Variants in MYO1H observed in about 807,000 individuals in gnomAD.
The protein encoded by MYO1H is myosin IH, also known as unconventional myosin-Ih.
MYO1H carries 118 observed loss-of-function variants against 149.3 expected under a neutral mutation model. The ratio of observed to expected loss-of-function variants is 0.79; its 90% confidence interval spans 0.68 to 0.92. The LOEUF is 0.92. Among genes scored for constraint, MYO1H ranks in the 40% least tolerant of loss-of-function variants. MYO1H has a pLI of 0.00. For missense variants in MYO1H, 1,212 were observed against 1,280.7 expected (o/e 0.95, Z 0.82); for synonymous variants, 447 against 465.2 (o/e 0.96, Z 0.50).
chr12:109,396,828 T>G (rs866597322), intron 4 of MYO1H, among the ~76,000 whole-genome samples: 3,456 of 110,670 alleles, frequency 0.031, 161 homozygotes, highest in African/African-American at 0.099. Context: ...TTTTTTTTTT[T>G]TTTTTTTTTT....
At chr12:109,396,813 CG>C (rs1869929755) in intron 4 of MYO1H, among the ~76,000 whole-genome samples, 3 of 54,500 alleles carry the variant, frequency 5.5e-5, no homozygotes, top group Admixed American at 2.2e-4. Flanking sequence ...GTTTTGGTTT[CG>C]TTTTTTTTTT....
At chr12:109,435,334 G>A (rs368307120) in intron 21 of MYO1H, among the ~76,000 whole-genome samples, 6 of 115,066 alleles carry the variant, frequency 5.2e-5, no homozygotes, top group South Asian at 5.1e-4. Context: ...ACATTGTTCC[G>A]CCGTTTCAGT....
At chr12:109,415,087 G>T (rs530414796) in intron 14 of MYO1H, among the ~76,000 whole-genome samples, 77 of 152,306 alleles carry the variant, frequency 5.1e-4, no homozygotes, top group African/African-American at 1.8e-3. Flanking sequence ...GCCTCCCTGT[G>T]TGGTGGCTTT....
At chr12:109,437,760 GA>G (rs150396080) in intron 22 of MYO1H, among the ~76,000 whole-genome samples, 15,415 of 152,072 alleles carry the variant, frequency 0.1, 1,035 homozygotes, top group African/African-American at 0.18. Context: ...AGGATTCGAA[GA>G]AAAGCGTTTA....
intron 2 of MYO1H, among the ~76,000 whole-genome samples, chr12:109,392,515 G>A (rs139964839): frequency 0.04 from 6,076 of 152,214 alleles, 141 homozygotes; most frequent in Middle Eastern, 0.054. Flanking sequence ...CTGAGGTCAG[G>A]AGTTCAAGAC....
the MYO1H span, among the ~76,000 whole-genome samples, chr12:109,314,255 T>C: frequency 6.6e-6 from 1 of 151,104 alleles, no homozygotes; most frequent in African/African-American, 2.4e-5. Flanking sequence ...AAATCTGGGC[T>C]GTCTCTTGGC....
chr12:109,340,417 C>A, the MYO1H span, among the ~76,000 whole-genome samples: 5 of 152,194 alleles, frequency 3.3e-5, no homozygotes, highest in African/African-American at 1.2e-4. Context: ...GATCCACCTG[C>A]CTTGGCCTCC....
intron 1 of MYO1H, among the ~76,000 whole-genome samples, chr12:109,362,885 C>T (rs1868784787): frequency 6.6e-6 from 1 of 152,206 alleles, no homozygotes; most frequent in Non-Finnish European, 1.5e-5. Context: ...CCATCAGTTT[C>T]ATTGGTTGCA....
At chr12:109,419,105 T>TG (rs1313112605) in intron 15 of MYO1H, among the ~76,000 whole-genome samples, 1 of 152,170 alleles carries the variant, frequency 6.6e-6, no homozygotes, top group African/African-American at 2.4e-5. Context: ...GTGTCTCCTT[T>TG]GGGGGGACCA....
the MYO1H span, among the ~76,000 whole-genome samples, chr12:109,334,206 A>G: frequency 2.6e-5 from 4 of 151,840 alleles, no homozygotes; most frequent in Admixed American, 2.6e-4. Flanking sequence ...TTAAGTAGAG[A>G]TGGGGTTTTG....
intron 1 of MYO1H, among the ~76,000 whole-genome samples, chr12:109,386,368 A>G (rs1342134132): frequency 6.6e-6 from 1 of 150,442 alleles, no homozygotes; most frequent in Non-Finnish European, 1.5e-5. Flanking sequence ...TTGTGTAAAT[A>G]CTTAGGAGTG....
chr12:109,400,494 T>C (rs1870117001), intron 5 of MYO1H, among the ~76,000 whole-genome samples: 1 of 152,250 alleles, frequency 6.6e-6, no homozygotes, highest in African/African-American at 2.4e-5. Flanking sequence ...TTCAAGTCTT[T>C]TGCCCGTTTT....
exon 19 of MYO1H, chr12:109,427,524 G>A (rs1871402772): frequency 1.2e-5 from 20 of 1,613,086 alleles, no homozygotes; most frequent in Non-Finnish European, 1.7e-5. Context: ...GGCTGATGGA[G>A]CACCTGCGGG....
chr12:109,314,550 G>A, the MYO1H span, among the ~76,000 whole-genome samples: 2 of 152,200 alleles, frequency 1.3e-5, no homozygotes, highest in African/African-American at 4.8e-5. Context: ...TGGCTCCGCT[G>A]TGAGGCAGAC....
At chr12:109,335,493 C>T in the MYO1H span, among the ~76,000 whole-genome samples, 3 of 152,072 alleles carry the variant, frequency 2.0e-5, no homozygotes, top group Non-Finnish European at 4.4e-5. Flanking sequence ...GGTGGGGACA[C>T]CAGTTCAAAC....
At chr12:109,318,968 TTTTG>T in the MYO1H span, among the ~76,000 whole-genome samples, 65 of 29,512 alleles carry the variant, frequency 2.2e-3, no homozygotes, top group African/African-American at 5.5e-3. Flanking sequence ...GCGTTTTTGG[TTTTG>T]TTTTTTTTTT....
At chr12:109,397,749 A>C in exon 5 of MYO1H, 1 of 1,612,394 alleles carries the variant, frequency 6.2e-7, no homozygotes, top group Non-Finnish European at 8.5e-7. Flanking sequence ...GAAATGCCAG[A>C]ACGCTCCGGA....
At chr12:109,368,308 T>C (rs1868910373) in intron 1 of MYO1H, among the ~76,000 whole-genome samples, 1 of 152,180 alleles carries the variant, frequency 6.6e-6, no homozygotes, top group Admixed American at 6.5e-5. Flanking sequence ...GCTCAATAGA[T>C]GTTTGGCAGA....
chr12:109,358,212 A>AT (rs1242054947), intron 1 of MYO1H, among the ~76,000 whole-genome samples: 3 of 151,926 alleles, frequency 2.0e-5, no homozygotes, highest in Non-Finnish European at 4.4e-5. Context: ...AAATATCAGG[A>AT]TTGCTGTCAT....
Sources: allele counts gnomAD v4.1 joint callset (sites outside exome capture counted in the v4.1 genomes callset), GRCh38; gene constraint gnomAD v4.1.1; transcripts MANE v1.5; gene names NCBI Gene and HGNC (gene_info 2026-07-23, HGNC 2026-07-21).